Variants in CPQ observed in about 807,000 individuals in gnomAD.
CPQ encodes the protein Ser-Met dipeptidase.
CPQ carries 37 observed loss-of-function variants against 45.7 expected under a neutral mutation model. That is an observed-to-expected ratio of 0.81 (90% CI 0.62 to 1.07). The LOEUF (loss-of-function observed/expected upper bound fraction) is 1.07. Among genes scored for constraint, CPQ ranks in the 50% least tolerant of loss-of-function variants. CPQ has a pLI of 0.00. For synonymous variants in CPQ, 186 were observed against 205.8 expected, an observed-to-expected ratio of 0.90 and a Z score of 0.82; for missense variants, 537 against 572.9, an observed-to-expected ratio of 0.94 and a Z score of 0.64.
chr8:96,885,833 C>CA (rs1299332133), intron 4 of CPQ, among the ~76,000 whole-genome samples: 5 of 151,498 alleles, frequency 3.3e-5, no homozygotes, highest in Non-Finnish European at 5.9e-5. Context: ...CTAAAAAATA[C>CA]AAAAAAAAGT....
At chr8:96,813,365 G>C (rs1811183577) in intron 2 of CPQ, among the ~76,000 whole-genome samples, 1 of 151,984 alleles carries the variant, frequency 6.6e-6, no homozygotes, top group African/African-American at 2.4e-5. Flanking sequence ...CTCTGGTACT[G>C]TCTACACTGA....
intron 4 of CPQ, among the ~76,000 whole-genome samples, chr8:96,946,271 T>C (rs1191525872): frequency 6.6e-6 from 1 of 152,132 alleles, no homozygotes; most frequent in African/African-American, 2.4e-5. Flanking sequence ...TGCTTTCATT[T>C]CCAAAACAAA....
At chr8:96,682,482 A>G (rs935365060) in intron 1 of CPQ, among the ~76,000 whole-genome samples, 4 of 152,222 alleles carry the variant, frequency 2.6e-5, no homozygotes, top group African/African-American at 7.2e-5. Context: ...GCCATTAAGC[A>G]TCTTTCTTTT....
At chr8:96,682,381 CTT>C (rs537841327) in intron 1 of CPQ, among the ~76,000 whole-genome samples, 41 of 152,368 alleles carry the variant, frequency 2.7e-4, no homozygotes, top group African/African-American at 9.6e-4. Context: ...AGCTCTCTCT[CTT>C]GGCCTGCTGC....
rs138249391 is a variant in CPQ at position 97,114,683 on chromosome 8, C to A, written c.1256-28337C>A. ...CTAGACTCACCACGGTCTTGTCAGACACCAGCAGAGTTTTGTGTGGCTGCA... is the reference window on the plus strand; with the variant it reads ...CTAGACTCACCACGGTCTTGTCAGAAACCAGCAGAGTTTTGTGTGGCTGCA... On this transcript the variant is annotated intron_variant, in intron 7 of 7. Transcript: ENST00000220763. Among the ~76,000 whole-genome samples, 643 of 152,324 alleles carry A rather than the reference C, an allele frequency of 4.2e-3. 1 individual carries two copies. The highest frequency in any genetic ancestry group is 0.014 in the African/African-American group (592 of 41,570).
intron 1 of CPQ, among the ~76,000 whole-genome samples, chr8:96,743,264 G>T (rs977618576): frequency 2.0e-5 from 3 of 151,774 alleles, no homozygotes; most frequent in African/African-American, 7.3e-5. Flanking sequence ...CCAGTTGATC[G>T]CATCGGCTCC....
intron 2 of CPQ, among the ~76,000 whole-genome samples, chr8:96,796,032 A>T (rs574420369): frequency 6.3e-4 from 96 of 152,124 alleles, no homozygotes; most frequent in Non-Finnish European, 1.2e-3. Context: ...ATATATTTTA[A>T]TTACTTTAAA....
chr8:96,798,956 G>A (rs1337784676), intron 2 of CPQ, among the ~76,000 whole-genome samples: 2 of 152,046 alleles, frequency 1.3e-5, no homozygotes, highest in Non-Finnish European at 1.5e-5. Context: ...ATATCTGCAT[G>A]TTAAATCATG....
chr8:96,675,232 G>A (rs1809060531), intron 1 of CPQ, among the ~76,000 whole-genome samples: 1 of 151,942 alleles, frequency 6.6e-6, no homozygotes, highest in Non-Finnish European at 1.5e-5. Flanking sequence ...ACAGAGACAA[G>A]CACTGTTATC....
At chr8:96,838,269 A>G (rs1457699619) in intron 3 of CPQ, among the ~76,000 whole-genome samples, 5 of 152,124 alleles carry the variant, frequency 3.3e-5, no homozygotes, top group African/African-American at 9.7e-5. Context: ...ACTTCACACA[A>G]TAGGAGTCTT....
chr8:96,892,689 C>T (rs1205942341), intron 4 of CPQ, among the ~76,000 whole-genome samples: 2 of 152,088 alleles, frequency 1.3e-5, no homozygotes, highest in Admixed American at 6.5e-5. Context: ...CTGAAATGTG[C>T]TCATAGCTGT....
intron 4 of CPQ, among the ~76,000 whole-genome samples, chr8:96,907,584 T>G (rs1229742988): frequency 1.3e-5 from 2 of 152,120 alleles, no homozygotes; most frequent in Non-Finnish European, 2.9e-5. Context: ...ACTTTGAAAA[T>G]GGAGCCAATT....
chr8:96,795,057 A>AAT, intron 2 of CPQ, among the ~76,000 whole-genome samples: 1 of 152,124 alleles, frequency 6.6e-6, no homozygotes, highest in East Asian at 1.9e-4. Flanking sequence ...CCAGTTCCAA[A>AAT]GTTGCTTCCA....
chr8:96,843,483 G>A (rs1177151051), intron 3 of CPQ, among the ~76,000 whole-genome samples: 1 of 152,206 alleles, frequency 6.6e-6, no homozygotes, highest in Non-Finnish European at 1.5e-5. Context: ...AATTGAAGCT[G>A]TCTGGTTGGG....
At chr8:96,691,548 G>C (rs958919505) in intron 1 of CPQ, among the ~76,000 whole-genome samples, 75 of 152,098 alleles carry the variant, frequency 4.9e-4, no homozygotes, top group African/African-American at 1.6e-3. Context: ...CAATGTCTTT[G>C]TGAGTAACAC....
intron 5 of CPQ, among the ~76,000 whole-genome samples, chr8:96,983,412 C>T (rs936380858): frequency 2.0e-5 from 3 of 152,086 alleles, no homozygotes; most frequent in African/African-American, 7.2e-5. Context: ...TACTGAGCTC[C>T]AATTTTGTTG....
At chr8:96,823,020 G>C (rs2130838706) in intron 2 of CPQ, among the ~76,000 whole-genome samples, 1 of 152,120 alleles carries the variant, frequency 6.6e-6, no homozygotes, top group African/African-American at 2.4e-5. Flanking sequence ...TAGCAACCCA[G>C]ATTCCACTGT....
At chr8:96,824,369 G>A (rs1308132498) in intron 2 of CPQ, among the ~76,000 whole-genome samples, 1 of 151,950 alleles carries the variant, frequency 6.6e-6, no homozygotes, top group Non-Finnish European at 1.5e-5. Context: ...ATCTTTGCAT[G>A]GTTCCTGGCC....
chr8:96,872,964 A>G (rs992804676), intron 3 of CPQ, among the ~76,000 whole-genome samples: 2 of 151,800 alleles, frequency 1.3e-5, no homozygotes, highest in South Asian at 4.2e-4. Context: ...AAAAAGCCAA[A>G]AGTCCTTCCT....
Sources: gnomAD v4.1 joint callset for allele counts (sites outside exome capture counted in the v4.1 genomes callset) on GRCh38, gnomAD v4.1.1 for gene constraint, MANE v1.5 for transcripts, NCBI Gene and HGNC (gene_info 2026-07-23, HGNC 2026-07-21) for gene names.